The following ZNF469 variants were observed in gnomAD, a reference collection of about 807,000 sequenced individuals.
The protein encoded by ZNF469 is zinc finger protein 469.
ZNF469 carries 1 observed loss-of-function variant against 1.0 expected under a neutral mutation model. The observed-to-expected ratio is 1.00, with a 90% CI of 0.35 to 4.73. ZNF469 has a LOEUF of 4.73. ZNF469 is among the 30% of genes most tolerant of loss of function. The pLI, the probability that ZNF469 is intolerant of heterozygous loss-of-function variation, is 0.16. For synonymous variants in ZNF469, 2,703 were observed against 2,363.4 expected (o/e 1.14, Z -4.17); for missense variants, 6,100 against 5,356.3 (o/e 1.14, Z -4.33).
chr16:88,326,460 T>G, the ZNF469 span, among the ~76,000 whole-genome samples: 1 of 152,210 alleles, frequency 6.6e-6, no homozygotes, highest in African/African-American at 2.4e-5. Context: ...GAAAATGGTC[T>G]AATACACTTC....
chr16:88,230,330 C>T, the ZNF469 span, among the ~76,000 whole-genome samples: 1 of 152,232 alleles, frequency 6.6e-6, no homozygotes, highest in African/African-American at 2.4e-5. Context: ...CGGCCTCTGG[C>T]CTCTGGGCCT....
the ZNF469 span, among the ~76,000 whole-genome samples, chr16:88,145,081 C>G: frequency 6.6e-6 from 1 of 151,864 alleles, no homozygotes. Flanking sequence ...AACTCCTGAC[C>G]TCAAGTGATC....
At chr16:88,338,533 C>T in the ZNF469 span, among the ~76,000 whole-genome samples, 1 of 152,184 alleles carries the variant, frequency 6.6e-6, no homozygotes, top group Non-Finnish European at 1.5e-5. Context: ...TCCTGAGAAC[C>T]ACAGAGCCCC....
Position 88,426,111 on chromosome 16 carries a change from C to T in ZNF469, c.-126-1234C>T, listed in dbSNP as rs545837851. ...GGCATGAGACACCACCAGCTCAGGC[C>T]GGTGGGAGGGTCCTGTGACCTCAGG... On this transcript the variant is annotated intron_variant, in intron 2 of 2. Coordinates refer to ENST00000565624, the MANE Select transcript of ZNF469 (RefSeq NM_001367624.2). 7.9e-5 allele frequency among the ~76,000 whole-genome samples: 12 copies of T among 152,344 alleles called. No homozygotes were observed. In the East Asian group the frequency reaches 2.3e-3, roughly 29 times the overall value.
the ZNF469 span, among the ~76,000 whole-genome samples, chr16:88,108,150 T>C: frequency 0.11 from 10,034 of 93,106 alleles, 564 homozygotes; most frequent in African/African-American, 0.26. Flanking sequence ...GATGTGGGGA[T>C]GGGGGTCCAC....
chr16:88,318,171 T>A, the ZNF469 span, among the ~76,000 whole-genome samples: 3 of 152,328 alleles, frequency 2.0e-5, no homozygotes, highest in Middle Eastern at 3.4e-3. Flanking sequence ...CTCTCCCAGA[T>A]CTTCGGGCCC....
chr16:88,393,403 G>C, intron 1 of ZNF469, among the ~76,000 whole-genome samples: 1 of 152,214 alleles, frequency 6.6e-6, no homozygotes, highest in East Asian at 1.9e-4. Flanking sequence ...AGCCTGCTTT[G>C]CTTGGATGTC....
chr16:88,157,344 T>C, the ZNF469 span, among the ~76,000 whole-genome samples: 1 of 152,220 alleles, frequency 6.6e-6, no homozygotes, highest in African/African-American at 2.4e-5. Context: ...CACAAGATGT[T>C]GCACCACAGG....
chr16:88,371,631 TAGG>T, the ZNF469 span, among the ~76,000 whole-genome samples: 46 of 152,222 alleles, frequency 3.0e-4, no homozygotes, highest in Non-Finnish European at 5.1e-4. Context: ...ATGCTTACAG[TAGG>T]CTTGGTTTTG....
At chr16:88,110,245 G>A in the ZNF469 span, among the ~76,000 whole-genome samples, 9 of 152,178 alleles carry the variant, frequency 5.9e-5, no homozygotes, top group Non-Finnish European at 1.2e-4. Context: ...TCAGACCCCC[G>A]GGGGGCCGCC....
chr16:88,134,741 G>A, the ZNF469 span, among the ~76,000 whole-genome samples: 6 of 152,298 alleles, frequency 3.9e-5, no homozygotes, highest in African/African-American at 1.4e-4. Context: ...AGGTGGCCTG[G>A]GCCTCGAGCA....
chr16:88,317,747 G>A, the ZNF469 span, among the ~76,000 whole-genome samples: 519 of 152,296 alleles, frequency 3.4e-3, 3 homozygotes, highest in Non-Finnish European at 6.4e-3. Context: ...TCCCTTGACC[G>A]TGACTTGAGT....
chr16:88,287,477 G>A, the ZNF469 span, among the ~76,000 whole-genome samples: 7 of 152,364 alleles, frequency 4.6e-5, no homozygotes, highest in Admixed American at 4.6e-4. Context: ...GGAGACAACA[G>A]CTCCAAGTCT....
the ZNF469 span, among the ~76,000 whole-genome samples, chr16:88,331,260 A>G: frequency 3.3e-5 from 5 of 151,634 alleles, no homozygotes; most frequent in Admixed American, 1.3e-4. Context: ...CACCATCACC[A>G]TCACCTTCAT....
At chr16:88,304,519 G>A in the ZNF469 span, among the ~76,000 whole-genome samples, 44 of 152,226 alleles carry the variant, frequency 2.9e-4, no homozygotes, top group African/African-American at 8.2e-4. Context: ...TCACCCAGTC[G>A]CCCGGTGAGC....
the ZNF469 span, among the ~76,000 whole-genome samples, chr16:88,265,927 A>C: frequency 6.6e-6 from 1 of 152,212 alleles, no homozygotes; most frequent in Non-Finnish European, 1.5e-5. Flanking sequence ...TCTCTGGTAA[A>C]TGGGGACAGA....
the ZNF469 span, among the ~76,000 whole-genome samples, chr16:88,166,872 CAGAT>C: frequency 6.6e-6 from 1 of 151,460 alleles, no homozygotes. This position sits in a 1 kb window ranked among gnomAD's most constrained non-coding sequence, Gnocchi z 4.5. Flanking sequence ...ACATTGATAA[CAGAT>C]AGCATTATAT....
At position 88,429,981 on chromosome 16, in the gene ZNF469, C is replaced by T. The variant is rs747457964; in HGVS notation, c.2511C>T (p.Asp837=). Residue 837 remains aspartate, a synonymous_variant, in exon 3 of 3, where the codon GAC becomes GAT. Coordinates refer to ENST00000565624, the MANE Select transcript of ZNF469 (RefSeq NM_001367624.2). ...CCTCGGACCTGGACATGGAGGATGA[C>T]GCCAAGCTGGACAGCCTCATCACAG... The part of the protein sequence containing the change: ...LPASDLDMED[D]AKLDSLITEA... 5.8e-6 allele frequency: 9 copies of T among 1,550,248 alleles called. No homozygotes were observed. Among genetic ancestry groups the T allele is most frequent in the African/African-American group, 1.4e-5 (1 of 73,064 alleles).
intron 1 of ZNF469, among the ~76,000 whole-genome samples, chr16:88,391,488 T>G (rs1904490921): frequency 8.8e-6 from 1 of 113,792 alleles, no homozygotes. Context: ...GTTGGCTGTC[T>G]CTGCCACCCA....
Sources: allele counts gnomAD v4.1 joint callset (sites outside exome capture counted in the v4.1 genomes callset), GRCh38; gene constraint gnomAD v4.1.1; non-coding constraint Gnocchi (gnomAD v3.1); transcripts MANE v1.5; gene names NCBI Gene and HGNC (gene_info 2026-07-23, HGNC 2026-07-21).